CACNA1A: variants seen among roughly 807,000 people sequenced by gnomAD.
CACNA1A encodes the protein voltage-dependent P/Q-type calcium channel subunit alpha-1A.
In CACNA1A, 57 loss-of-function variants were observed where a neutral mutation model predicts 262.4. That is an observed-to-expected ratio of 0.22 (90% CI 0.18 to 0.27). CACNA1A has a LOEUF of 0.27. Among genes scored for constraint, CACNA1A ranks in the 10% least tolerant of loss-of-function variants. CACNA1A has a pLI of 1.00. For missense variants in CACNA1A, 2,526 were observed against 3,562.8 expected, an observed-to-expected ratio of 0.71 and a Z score of 7.41; for synonymous variants, 1,431 against 1,419.3, an observed-to-expected ratio of 1.01 and a Z score of -0.18.
chr19:13,392,365 C>T lies in CACNA1A; in HGVS notation c.540-20586G>A, dbSNP rs549247002. On this transcript the variant is annotated intron_variant, in intron 3 of 46. Transcript: ENST00000360228. Reference sequence around the variant, plus strand: ...AGGAGGTGGTGAAAGAGAAAACTCTCCTTGAGAGGCTGGAATGAGAAGATA... The same window carrying T: ...AGGAGGTGGTGAAAGAGAAAACTCTTCTTGAGAGGCTGGAATGAGAAGATA... 4.6e-5 allele frequency among the ~76,000 whole-genome samples: 7 copies of T among 152,284 alleles called. No individual in the cohort carries two copies. The South Asian group carries it at 8.3e-4, about 18-fold the overall frequency.
chr19:13,399,459 T>C (rs1156548864), intron 3 of CACNA1A, among the ~76,000 whole-genome samples: 2 of 148,762 alleles, frequency 1.3e-5, no homozygotes, highest in African/African-American at 4.9e-5. Flanking sequence ...CCAGAAGAGA[T>C]GTAGGGCTTG....
At chr19:13,476,691 T>C (rs1978583629) in intron 1 of CACNA1A, among the ~76,000 whole-genome samples, 1 of 152,118 alleles carries the variant, frequency 6.6e-6, no homozygotes, top group Non-Finnish European at 1.5e-5. Flanking sequence ...CACCTCAAAG[T>C]GGTAAATTTC....
intron 1 of CACNA1A, among the ~76,000 whole-genome samples, chr19:13,495,216 G>A (rs1981353908): frequency 6.6e-6 from 1 of 152,132 alleles, no homozygotes; most frequent in African/African-American, 2.4e-5. Context: ...AACTTTGGGG[G>A]GATGTGAGGA....
At chr19:13,309,909 T>A (rs1465267141) in intron 12 of CACNA1A, among the ~76,000 whole-genome samples, 1 of 152,116 alleles carries the variant, frequency 6.6e-6, no homozygotes, top group Non-Finnish European at 1.5e-5. Flanking sequence ...AACTATCACC[T>A]CTATCAAGTT....
At chr19:13,254,039 A>C (rs1382105610) in intron 29 of CACNA1A, among the ~76,000 whole-genome samples, 1 of 151,928 alleles carries the variant, frequency 6.6e-6, no homozygotes, top group East Asian at 1.9e-4. Flanking sequence ...TTGCCCGGCC[A>C]CTATTGATCG....
intron 1 of CACNA1A, among the ~76,000 whole-genome samples, chr19:13,458,952 G>T (rs1405542867): frequency 3.3e-5 from 5 of 152,156 alleles, no homozygotes; most frequent in African/African-American, 1.2e-4. Context: ...TCAGCACTAG[G>T]TTTAGGGGTG....
Position 13,289,998 on chromosome 19 carries a change from G to A in CACNA1A, c.3090-3032C>T, listed in dbSNP as rs756625730. Among the ~76,000 whole-genome samples the A allele has an allele frequency of 1.4e-4, 21 of 150,956 alleles. 1 individual carries two copies. Among genetic ancestry groups the A allele is most frequent in the Admixed American group, 4.0e-4 (6 of 15,132 alleles). On this transcript the variant is annotated intron_variant, in intron 19 of 46. Coordinates refer to ENST00000360228, the MANE Select transcript of CACNA1A (RefSeq NM_001127222.2). ...AGGCTGAAGTGTAATGCACGATCTC[G>A]GCTCACTGCAACCTCTGCCTCCCAG... is the stretch of plus-strand genomic sequence containing the variant.
intron 3 of CACNA1A, among the ~76,000 whole-genome samples, chr19:13,427,013 C>T (rs10420058): frequency 1.0e-3 from 157 of 152,276 alleles, no homozygotes; most frequent in African/African-American, 3.3e-3. Flanking sequence ...CAATGCCTAG[C>T]GGGGAAAAAT....
In CACNA1A at chr19:13,407,136, T is replaced by C. The variant is rs1429901121; in HGVS notation, c.540-35357A>G. On this transcript the variant is annotated intron_variant, in intron 3 of 46. Coordinates refer to ENST00000360228, the MANE Select transcript of CACNA1A (RefSeq NM_001127222.2). ...AATATTTTGCTCTCCTGTGCTTCTC[T>C]AGACTAGAAGAATGCCTGACACACA... Among the ~76,000 whole-genome samples, 8 of 152,180 alleles carry C rather than the reference T, an allele frequency of 5.3e-5. No homozygotes were observed. The East Asian group carries it at 1.5e-3, about 29-fold the overall frequency.
rs779759503 is a variant in CACNA1A, at chr19:13,337,462, ATCG to A, written c.979-1556_979-1554del. 2.4e-4 allele frequency among the ~76,000 whole-genome samples: 37 copies of A among 152,208 alleles called. No individual in the cohort carries two copies. The East Asian group carries it at 7.2e-3, about 29-fold the overall frequency. On this transcript the variant is annotated intron_variant, in intron 6 of 46. Coordinates refer to ENST00000360228, the MANE Select transcript of CACNA1A (RefSeq NM_001127222.2). ...AATCTCCCCTTTTTATATGGACACC[ATCG>A]TATTAGATTAGGACCCACCCTAATG...
intron 4 of CACNA1A, chr19:13,370,676 G>C (rs1186904458): frequency 6.7e-6 from 1 of 148,742 alleles, no homozygotes; most frequent in Non-Finnish European, 1.5e-5. Context: ...TGCCCGCTTC[G>C]GTCTCCCAAA....
chr19:13,317,235 A>G lies in CACNA1A; in HGVS notation c.1432T>C (p.Tyr478His). The change falls in exon 11 of 47, where the codon TAC (tyrosine) becomes CAC (histidine). Residue 478 changes from tyrosine to histidine, a missense_variant. Around this residue, in one of 17 missense-constraint regions of CACNA1A, gnomAD observed 104 missense variants for 127.6 expected, o/e 0.81. Coordinates refer to ENST00000360228, the MANE Select transcript of CACNA1A (RefSeq NM_001127222.2). The stretch of plus-strand genomic sequence containing the variant: ...TGAGTTTTGACCATGCGGCGGATGT[A>G]GAAACGCATCCTCCTCTCCTTTTTG... ...FHKKERRMRF[Y>H]IRRMVKTQAF... 6.2e-7 allele frequency: 1 copy of G among 1,613,708 alleles called. No homozygotes were observed. The highest frequency in any genetic ancestry group is 8.5e-7 in the Non-Finnish European group (1 of 1,179,698).
At chr19:13,287,750 C>T (rs553344470) in intron 19 of CACNA1A, among the ~76,000 whole-genome samples, 22 of 151,388 alleles carry the variant, frequency 1.5e-4, no homozygotes, top group Non-Finnish European at 2.8e-4. Flanking sequence ...GATCCACCCA[C>T]CTCAGCCTCC....
intron 32 of CACNA1A, 81 bp downstream of exon 32, chr19:13,235,533 A>G: frequency 9.9e-7 from 1 of 1,009,094 alleles, no homozygotes; most frequent in East Asian, 2.4e-5. Context: ...AGGCACTTCC[A>G]ATCTGACTTC....
At chr19:13,259,539 A>T (rs1412594691) in intron 27 of CACNA1A, 25 bp downstream of exon 27, 1 of 1,587,508 alleles carries the variant, frequency 6.3e-7, no homozygotes, top group East Asian at 2.3e-5. Flanking sequence ...CTCCTCCTGG[A>T]TAGATTTCCA....
Position 13,303,774 on chromosome 19 carries a change from A to G in CACNA1A, c.2097T>C (p.Phe699=), listed in dbSNP as rs1310013524. The change falls in exon 16 of 47, where the codon TTT becomes TTC. Residue 699 remains phenylalanine (F), a synonymous_variant. Coordinates refer to ENST00000360228, the MANE Select transcript of CACNA1A (RefSeq NM_001127222.2). The part of the protein sequence containing the change: ...FSIYFIVLTL[F]GNYTLLNVFL... ...TCTCTCCATGAAGGATACAGTTCCCAAAGAGCGTCAGTACAATGAAATAGA... is the reference window on the plus strand; with the variant it reads ...TCTCTCCATGAAGGATACAGTTCCCGAAGAGCGTCAGTACAATGAAATAGA... 1.9e-6 allele frequency: 3 copies of G among 1,610,230 alleles called. No individual in the cohort carries two copies. Among genetic ancestry groups the G allele is most frequent in the Non-Finnish European group, 2.5e-6 (3 of 1,176,522 alleles).
intron 6 of CACNA1A, among the ~76,000 whole-genome samples, chr19:13,356,904 G>T (rs960903562): frequency 6.6e-6 from 1 of 152,082 alleles, no homozygotes; most frequent in African/African-American, 2.4e-5. Context: ...GCCTGAGCTC[G>T]GATCTGCTGC....
At chr19:13,300,972 G>C (rs185283957) in intron 17 of CACNA1A, among the ~76,000 whole-genome samples, 1 of 152,064 alleles carries the variant, frequency 6.6e-6, no homozygotes, top group African/African-American at 2.4e-5. Context: ...TTCAGAGACA[G>C]AGTCTCCCTT....
chr19:13,283,247 G>GT lies in CACNA1A; in HGVS notation c.3822+19dup. The GT allele has an allele frequency of 6.2e-7, 1 of 1,612,060 alleles. No homozygotes were observed. Among genetic ancestry groups the GT allele is most frequent in the East Asian group, 2.2e-5 (1 of 44,844 alleles). On this transcript the variant is annotated intron_variant, in intron 22 of 46. Coordinates refer to ENST00000360228, the MANE Select transcript of CACNA1A (RefSeq NM_001127222.2). ...GGCAGAGCAGCCAGGCTAGGAAGGG[G>GT]TGTGCTCTGTGGGACTCACGTTGTT...
Sources: gnomAD v4.1 joint callset for allele counts (sites outside exome capture counted in the v4.1 genomes callset) on GRCh38, gnomAD v4.1.1 for gene constraint, gnomAD v4.1.1 regional missense constraint, MANE v1.5 for transcripts, NCBI Gene and HGNC (gene_info 2026-07-23, HGNC 2026-07-21) for gene names.